The following CPLANE1 variants were observed in gnomAD, a reference collection of about 807,000 sequenced individuals.
CPLANE1 encodes ciliogenesis and planar polarity effector 1.
A neutral mutation model predicts 362.5 loss-of-function variants in CPLANE1; 263 were observed. The observed-to-expected ratio is 0.73, with a 90% confidence interval of 0.66 to 0.80. CPLANE1 has a LOEUF of 0.80. CPLANE1 is among the 30% of genes least tolerant of loss of function. The pLI is 0.00. For synonymous variants in CPLANE1, 1,212 were observed against 1,302.6 expected, an observed-to-expected ratio of 0.93 and a Z score of 1.50; for missense variants, 3,461 against 3,793.4, an observed-to-expected ratio of 0.91 and a Z score of 2.30.
At chr5:37,228,147 C>T (rs1796861916) in intron 9 of CPLANE1, among the ~76,000 whole-genome samples, 1 of 151,850 alleles carries the variant, frequency 6.6e-6, no homozygotes. Context: ...TTCCTCTTAC[C>T]ATATATTTAA....
rs369030812 is a variant in CPLANE1, at chr5:37,204,899, G to A, written c.3289+416C>T. 1.1e-4 allele frequency among the ~76,000 whole-genome samples: 17 copies of A among 152,346 alleles called. No individual in the cohort carries two copies. In the East Asian group the frequency reaches 3.3e-3, roughly 29 times the overall value. On this transcript the variant is annotated intron_variant, in intron 18 of 52. Transcript: ENST00000651892. ...CAGCCGGGCGCAGTGGCTCATGCCT[G>A]TAATCCCAACACTTTGGGAGGCCAA... is the stretch of plus-strand genomic sequence containing the variant.
At chr5:37,119,846 G>C (rs1762136540) in intron 50 of CPLANE1, among the ~76,000 whole-genome samples, 1 of 151,742 alleles carries the variant, frequency 6.6e-6, no homozygotes, top group Non-Finnish European at 1.5e-5. Context: ...AATTAGCCGG[G>C]CGTGGTGGTG....
chr5:37,166,871 G>A (rs768667918), intron 35 of CPLANE1, among the ~76,000 whole-genome samples, 176 bp downstream of exon 35: 8 of 152,058 alleles, frequency 5.3e-5, no homozygotes, highest in Non-Finnish European at 8.8e-5. Context: ...TATTTGTCTC[G>A]CAAAATAGGA....
intron 42 of CPLANE1, among the ~76,000 whole-genome samples, chr5:37,150,444 C>T (rs763215486): frequency 2.6e-5 from 4 of 152,052 alleles, no homozygotes; most frequent in Non-Finnish European, 4.4e-5. Flanking sequence ...TGAGGAACTG[C>T]CTACTTATCT....
chr5:37,083,270 T>A, the CPLANE1 span, among the ~76,000 whole-genome samples: 19 of 152,214 alleles, frequency 1.2e-4, 1 homozygote, highest in South Asian at 2.3e-3. Flanking sequence ...GACAAAAGAA[T>A]CTGAACAACA....
At position 37,179,384 on chromosome 5, in the gene CPLANE1, T is replaced by G; in HGVS notation, c.5797A>C (p.Thr1933Pro). 1 of 1,612,184 alleles carries G rather than the reference T, an allele frequency of 6.2e-7. No homozygotes were observed. The highest frequency in any genetic ancestry group is 1.1e-5 in the South Asian group (1 of 90,910). ...ACTTCTTCTAACTGCTGTGGTAAAGTCATCATGCAAATGGCAAGACTGGGA... is the reference window on the plus strand; with the variant it reads ...ACTTCTTCTAACTGCTGTGGTAAAGGCATCATGCAAATGGCAAGACTGGGA... ...RSPSLAICMM[T>P]LPQQLEEEFT... Residue 1933 changes from threonine (T) to proline (P), a missense_variant, in exon 29 of 53, where the codon ACT becomes CCT. By Grantham distance (38) the Thr-to-Pro change is conservative. Coordinates refer to ENST00000651892, the MANE Select transcript of CPLANE1 (RefSeq NM_001384732.1).
In CPLANE1 at chr5:37,167,150, G is replaced by A. The variant is rs780612537; in HGVS notation, c.7297C>T (p.Leu2433=). ...CCTTGTTCAAATAAATTATGTGTTA[G>A]TTTCTGTTGGCTTTGTTTAAACGCA... ...LIAFKQSQQK[L]THNLFEQGDA... Residue 2433 remains leucine, a synonymous_variant, in exon 35 of 53, where the codon CTA becomes TTA. Transcript: ENST00000651892. 6.2e-7 allele frequency: 1 copy of A among 1,613,392 alleles called. No homozygotes were observed. Among genetic ancestry groups the A allele is most frequent in the Non-Finnish European group, 8.5e-7 (1 of 1,179,734 alleles).
At chr5:37,116,767 A>C (rs1761141693) in intron 50 of CPLANE1, among the ~76,000 whole-genome samples, 1 of 152,226 alleles carries the variant, frequency 6.6e-6, no homozygotes, top group South Asian at 2.1e-4. Context: ...AACTACAGTG[A>C]ATTTGAAAAT....
chr5:37,153,983 T>C lies in CPLANE1; in HGVS notation c.8130A>G (p.Lys2710=), dbSNP rs1405124461. 6.2e-7 allele frequency: 1 copy of C among 1,607,948 alleles called. No homozygotes were observed. Among genetic ancestry groups the C allele is most frequent in the Non-Finnish European group, 8.5e-7 (1 of 1,175,756 alleles). ...SDIQQNKGLP[K]PEFRFKGQST... ...TCTGTCCTTTGAATCGGAACTCTGG[T>C]TTTGGCAGACCTAAATATTAATAAG... Residue 2710 remains lysine (K), a synonymous_variant, in exon 42 of 53, where the codon AAA becomes AAG. Transcript: ENST00000651892.
intron 44 of CPLANE1, 168 bp from the exon 45 acceptor site, chr5:37,139,538 T>C: frequency 8.8e-7 from 1 of 1,134,256 alleles, no homozygotes; most frequent in Non-Finnish European, 1.1e-6. Flanking sequence ...CTGAATATGC[T>C]ATCTGATAGT....
chr5:37,210,940 T>C (rs1206647429), intron 16 of CPLANE1: 3 of 779,802 alleles, frequency 3.8e-6, no homozygotes, highest in Non-Finnish European at 7.1e-6. Context: ...GCCCAGATAC[T>C]AGGTTACAAA....
chr5:37,116,598 G>A (rs543969984), intron 50 of CPLANE1, among the ~76,000 whole-genome samples: 1 of 148,528 alleles, frequency 6.7e-6, no homozygotes, highest in East Asian at 2.0e-4. Flanking sequence ...CCTTCTGGGC[G>A]ACAGAATGAG....
the CPLANE1 span, among the ~76,000 whole-genome samples, chr5:37,095,924 T>C: frequency 1.3e-5 from 2 of 152,128 alleles, no homozygotes; most frequent in Admixed American, 6.6e-5. Context: ...AAGGAAATCA[T>C]AGATGACATA....
At position 37,221,402 on chromosome 5, in the gene CPLANE1, G is replaced by A; in HGVS notation, c.2668C>T (p.Gln890Ter). ...HLYSYNLNDA[Q>*]GLCDQLAREI... is the part of the protein sequence containing the mutation. ...CTTGCTAGCTGATCACACAATCCTT[G>A]AGCATCATTTAAATTATAGCTATAG... is the stretch of plus-strand genomic sequence containing the variant. The change falls in exon 15 of 53, where the codon CAA (glutamine) becomes TAA (stop). Residue 890 changes from glutamine (Q) to a stop codon, truncating the protein, a stop_gained. Coordinates refer to ENST00000651892, the MANE Select transcript of CPLANE1 (RefSeq NM_001384732.1). LOFTEE classifies it high-confidence loss of function. 1 of 1,539,334 alleles carries A rather than the reference G, an allele frequency of 6.5e-7. No homozygotes were observed. Among genetic ancestry groups the A allele is most frequent in the Non-Finnish European group, 8.8e-7 (1 of 1,141,214 alleles).
At chr5:37,081,290 G>C in the CPLANE1 span, among the ~76,000 whole-genome samples, 2 of 152,154 alleles carry the variant, frequency 1.3e-5, no homozygotes, top group African/African-American at 4.8e-5. Flanking sequence ...AGAAACAAAA[G>C]TGTTTACAGA....
At chr5:37,246,002 T>C (rs1157058337) in intron 2 of CPLANE1, among the ~76,000 whole-genome samples, 157 bp from the exon 3 acceptor site, 2 of 152,176 alleles carry the variant, frequency 1.3e-5, no homozygotes, top group Non-Finnish European at 1.5e-5. Flanking sequence ...TACTCTATAG[T>C]AGCCTGAACA....
At chr5:37,091,046 C>T in the CPLANE1 span, among the ~76,000 whole-genome samples, 1 of 152,166 alleles carries the variant, frequency 6.6e-6, no homozygotes, top group Non-Finnish European at 1.5e-5. Flanking sequence ...AATCTTTCCA[C>T]CAAAATTGGA....
chr5:37,203,279 T>C (rs1580700726), intron 18 of CPLANE1, among the ~76,000 whole-genome samples: 1 of 152,224 alleles, frequency 6.6e-6, no homozygotes, highest in Non-Finnish European at 1.5e-5. Context: ...AATGGAATCA[T>C]ACGGTATGTA....
At chr5:37,098,392 A>G in the CPLANE1 span, among the ~76,000 whole-genome samples, 1 of 134,800 alleles carries the variant, frequency 7.4e-6, no homozygotes, top group African/African-American at 3.3e-5. Context: ...CTCCGTCTCA[A>G]AAAAAAAAAA....
Sources: gnomAD v4.1 joint callset for allele counts (sites outside exome capture counted in the v4.1 genomes callset) on GRCh38, gnomAD v4.1.1 for gene constraint, MANE v1.5 for transcripts, NCBI Gene and HGNC (gene_info 2026-07-23, HGNC 2026-07-21) for gene names.